EFCAB5: variants seen among roughly 807,000 people sequenced by gnomAD.
EFCAB5 encodes the protein EF-hand calcium-binding domain-containing protein 5.
A neutral mutation model predicts 167.9 loss-of-function variants in EFCAB5; 131 were observed. That is an observed-to-expected ratio of 0.78 (90% CI 0.68 to 0.90). The LOEUF is 0.90. Ranked by LOEUF, EFCAB5 falls within the 40% of genes least tolerant of loss-of-function variation. The pLI, the probability that EFCAB5 is intolerant of heterozygous loss-of-function variation, is 0.00. For synonymous variants in EFCAB5, 574 were observed against 602.8 expected (o/e 0.95, Z 0.70); for missense variants, 1,663 against 1,745.2 (o/e 0.95, Z 0.84).
At chr17:30,028,067 A>G (rs1485469982) in intron 7 of EFCAB5, among the ~76,000 whole-genome samples, 2 of 152,218 alleles carry the variant, frequency 1.3e-5, no homozygotes, top group African/African-American at 2.4e-5. Flanking sequence ...GAACTGTTGT[A>G]TCCCTTAGCC....
chr17:29,985,091 T>C (rs1474620940), intron 4 of EFCAB5, among the ~76,000 whole-genome samples: 1 of 152,242 alleles, frequency 6.6e-6, no homozygotes, highest in East Asian at 1.9e-4. Flanking sequence ...TGAGCCATTC[T>C]ATTTGATTTC....
chr17:30,092,608 C>T (rs1344306942), intron 21 of EFCAB5, among the ~76,000 whole-genome samples: 3 of 152,156 alleles, frequency 2.0e-5, no homozygotes, highest in Non-Finnish European at 4.4e-5. Context: ...AGGCTGGTCT[C>T]GAACTCCTGA....
At chr17:30,067,588 A>G (rs1253094949) in intron 14 of EFCAB5, among the ~76,000 whole-genome samples, 2 of 152,168 alleles carry the variant, frequency 1.3e-5, no homozygotes, top group African/African-American at 2.4e-5. Context: ...AAAAAATTAC[A>G]TGACTATCTC....
At chr17:30,026,193 A>G (rs1180618479) in intron 7 of EFCAB5, among the ~76,000 whole-genome samples, 1 of 151,884 alleles carries the variant, frequency 6.6e-6, no homozygotes, top group Non-Finnish European at 1.5e-5. Flanking sequence ...AAATAAATAA[A>G]TAAATAAATA....
intron 3 of EFCAB5, among the ~76,000 whole-genome samples, chr17:29,947,407 A>G (rs1259398897): frequency 6.6e-6 from 1 of 151,976 alleles, no homozygotes; most frequent in East Asian, 1.9e-4. Flanking sequence ...GGCTATGGAG[A>G]CTCAGAAGTG....
intron 7 of EFCAB5, among the ~76,000 whole-genome samples, chr17:30,013,933 G>C (rs2068969983): frequency 1.3e-5 from 2 of 152,066 alleles, no homozygotes; most frequent in South Asian, 4.2e-4. Context: ...TTCTCTTGTG[G>C]GCATTTAGTG....
intron 3 of EFCAB5, among the ~76,000 whole-genome samples, chr17:29,950,354 C>T (rs908496710): frequency 6.6e-6 from 1 of 151,326 alleles, no homozygotes; most frequent in African/African-American, 2.4e-5. Flanking sequence ...CTCCTCCCCA[C>T]CACCTCTCTC....
intron 12 of EFCAB5, among the ~76,000 whole-genome samples, chr17:30,057,134 T>C (rs1353924191): frequency 1.3e-5 from 2 of 152,184 alleles, no homozygotes; most frequent in Non-Finnish European, 2.9e-5. Flanking sequence ...TTTGTTTAAC[T>C]AGAAAGTTCA....
intron 21 of EFCAB5, among the ~76,000 whole-genome samples, chr17:30,092,550 G>T (rs967130415): frequency 6.6e-6 from 1 of 152,110 alleles, no homozygotes; most frequent in African/African-American, 2.4e-5. Context: ...ACCACGCCCA[G>T]CTAATTTTCT....
intron 10 of EFCAB5, among the ~76,000 whole-genome samples, chr17:30,055,009 A>C (rs1218987177): frequency 6.6e-6 from 1 of 152,140 alleles, no homozygotes; most frequent in Non-Finnish European, 1.5e-5. Flanking sequence ...AAAAGGTGAA[A>C]ATTCTCAGCT....
chr17:30,097,335 G>A (rs1052423674), intron 22 of EFCAB5, among the ~76,000 whole-genome samples: 2 of 152,122 alleles, frequency 1.3e-5, no homozygotes, highest in South Asian at 2.1e-4. Flanking sequence ...GATTACAGGC[G>A]TGAGCCACTG....
Position 30,059,051 on chromosome 17 carries a change from T to C in EFCAB5, c.2581-494T>C, listed in dbSNP as rs1180529792. 2.0e-5 allele frequency: 3 copies of C among 152,026 alleles called. No homozygotes were observed. In the East Asian group the frequency reaches 5.8e-4, roughly 29 times the overall value. The allele number at this position is 152,026 out of a possible 1,614,324, so 9.4% of individuals were successfully genotyped here. A position where few individuals can be genotyped will look rare whatever the true frequency, so the allele number is the denominator to read the frequency against. The stretch of plus-strand genomic sequence containing the variant: ...AGAATGCCTGCTGTTATTTTTTTTC[T>C]TCAAAGCCAGTCAAGGTTAGCAGTG... On this transcript the variant is annotated intron_variant, in intron 13 of 22. Transcript: ENST00000394835.
At chr17:30,086,608 C>T (rs187003954) in intron 18 of EFCAB5, among the ~76,000 whole-genome samples, 13 of 151,552 alleles carry the variant, frequency 8.6e-5, no homozygotes, top group Admixed American at 6.6e-4. Context: ...AAAAATTAGC[C>T]GGGGCCGGGT....
intron 19 of EFCAB5, 54 bp from the exon 20 acceptor site, chr17:30,090,367 G>T (rs1298207661): frequency 1.0e-5 from 16 of 1,583,948 alleles, no homozygotes; most frequent in Non-Finnish European, 1.3e-5. Flanking sequence ...TTGGTGGAAT[G>T]ATGTGAACAG....
At chr17:30,095,949 T>G (rs1196136888) in intron 22 of EFCAB5, among the ~76,000 whole-genome samples, 4 of 152,106 alleles carry the variant, frequency 2.6e-5, no homozygotes, top group Non-Finnish European at 5.9e-5. Context: ...GAGCTAAGAG[T>G]GCACCATTTA....
chr17:30,032,648 A>T (rs887557509), intron 7 of EFCAB5, among the ~76,000 whole-genome samples: 2 of 152,196 alleles, frequency 1.3e-5, no homozygotes, highest in African/African-American at 4.8e-5. Flanking sequence ...AACATAATTT[A>T]GTTACTTTTC....
intron 3 of EFCAB5, among the ~76,000 whole-genome samples, chr17:29,966,072 T>C (rs555196437): frequency 5.9e-5 from 9 of 152,264 alleles, no homozygotes; most frequent in Admixed American, 4.6e-4. Flanking sequence ...AATACATATA[T>C]CATAATATTT....
intron 3 of EFCAB5, among the ~76,000 whole-genome samples, chr17:29,947,172 C>CAAAAAA (rs71278523): frequency 1.5e-5 from 1 of 66,850 alleles, no homozygotes. Context: ...GACTCCATCT[C>CAAAAAA]AAAAAAAAAA....
At chr17:30,102,434 G>A (rs886589156) in intron 22 of EFCAB5, among the ~76,000 whole-genome samples, 2 of 151,746 alleles carry the variant, frequency 1.3e-5, no homozygotes, top group Non-Finnish European at 2.9e-5. Context: ...GCAGTGGTGT[G>A]ATCATGGCTC....
Sources: gnomAD v4.1 joint callset for allele counts (sites outside exome capture counted in the v4.1 genomes callset) on GRCh38, gnomAD v4.1.1 for gene constraint, MANE v1.5 for transcripts, NCBI Gene and HGNC (gene_info 2026-07-23, HGNC 2026-07-21) for gene names.